The following ISM1 variants were observed in gnomAD, a reference collection of about 807,000 sequenced individuals.
ISM1 encodes the protein isthmin-1.
A neutral mutation model predicts 46.3 loss-of-function variants in ISM1; 25 were observed. That is an observed-to-expected ratio of 0.54 (90% CI 0.39 to 0.75). The LOEUF (loss-of-function observed/expected upper bound fraction) is 0.75. Among genes scored for constraint, ISM1 ranks in the 30% least tolerant of loss-of-function variants. The pLI is 0.00. For missense variants in ISM1, 536 were observed against 625.4 expected (o/e 0.86, Z 1.52); for synonymous variants, 255 against 256.7 (o/e 0.99, Z 0.06).
chr20:13,264,682 G>A (rs985161287), intron 1 of ISM1, among the ~76,000 whole-genome samples: 6 of 152,188 alleles, frequency 3.9e-5, no homozygotes, highest in South Asian at 4.1e-4. Context: ...GATGAGCAAC[G>A]CCAGCTATGC....
Position 13,279,753 on chromosome 20 carries a change from G to T in ISM1, c.498G>T (p.Leu166=), listed in dbSNP as rs1374957905. The T allele has an allele frequency of 6.2e-7, 1 of 1,614,010 alleles. No homozygotes were observed. The highest frequency in any genetic ancestry group is 8.5e-7 in the Non-Finnish European group (1 of 1,179,896). The change falls in exon 3 of 6, where the codon CTG becomes CTT. Residue 166 remains leucine, a synonymous_variant. Coordinates refer to ENST00000262487, the MANE Select transcript of ISM1 (RefSeq NM_080826.2). ...GGCGGGCCTGGTGGCAGAGGTCCCT[G>T]TCCTTGGCCAGGGCAAACAGCGGGG... ...PDWRAWWQRS[L]SLARANSGDQ... is the part of the protein sequence containing the mutation.
Position 13,299,677 on chromosome 20 carries a change from C to G in ISM1, c.*218C>G, listed in dbSNP as rs976987401. On this transcript the variant is annotated 3_prime_UTR_variant, in exon 6 of 6. Coordinates refer to ENST00000262487, the MANE Select transcript of ISM1 (RefSeq NM_080826.2). The surrounding 1 kb of genome is among the most constrained non-coding windows in gnomAD (Gnocchi z 5.8). ...CCATCTGCAGAGCTCCTTGAAAGTG[C>G]CCCTGGGGAGCGATGTGGGCAGAAG... is the stretch of plus-strand genomic sequence containing the variant. The G allele has an allele frequency of 9.8e-5, 48 of 487,844 alleles. No individual in the cohort carries two copies. The highest frequency in any genetic ancestry group is 8.4e-4 in the African/African-American group (44 of 52,690). The allele number at this position is 487,844 out of a possible 1,614,324, so 30.2% of individuals were successfully genotyped here. A position where few individuals can be genotyped will look rare whatever the true frequency, so the allele number is the denominator to read the frequency against.
the ISM1 span, among the ~76,000 whole-genome samples, chr20:13,309,938 A>G: frequency 6.6e-6 from 1 of 152,210 alleles, no homozygotes; most frequent in Non-Finnish European, 1.5e-5. Flanking sequence ...AAGAAACTGA[A>G]TAAAAAATAA....
the ISM1 span, among the ~76,000 whole-genome samples, chr20:13,325,483 G>A: frequency 6.6e-6 from 1 of 151,892 alleles, no homozygotes; most frequent in African/African-American, 2.4e-5. Flanking sequence ...AGGGTCCACA[G>A]TTTCTGCTAC....
chr20:13,264,198 G>A (rs974463244), intron 1 of ISM1, among the ~76,000 whole-genome samples: 2 of 152,176 alleles, frequency 1.3e-5, no homozygotes, highest in Non-Finnish European at 2.9e-5. Context: ...TCAGAAATTT[G>A]CCAGCCAGTC....
chr20:13,325,558 T>C, the ISM1 span, among the ~76,000 whole-genome samples: 1 of 152,192 alleles, frequency 6.6e-6, no homozygotes, highest in Non-Finnish European at 1.5e-5. Context: ...AACAGTTACC[T>C]AGTTGTCCCC....
downstream of ISM1, among the ~76,000 whole-genome samples, chr20:13,303,024 C>A (rs1383574131): frequency 6.6e-6 from 1 of 152,334 alleles, no homozygotes; most frequent in South Asian, 2.1e-4. Flanking sequence ...CTTCTGAGCC[C>A]ACACTTTGTG....
chr20:13,294,545 A>C (rs899735248), intron 5 of ISM1, among the ~76,000 whole-genome samples: 3 of 152,206 alleles, frequency 2.0e-5, no homozygotes, highest in Non-Finnish European at 4.4e-5. Flanking sequence ...CCACATTGGC[A>C]TGTGGCTAAG....
chr20:13,297,658 C>T (rs1373112937), intron 5 of ISM1, among the ~76,000 whole-genome samples: 1 of 152,236 alleles, frequency 6.6e-6, no homozygotes, highest in Admixed American at 6.5e-5. Context: ...TCACCATTCA[C>T]CTGTTCACAG....
chr20:13,292,273 A>G, intron 4 of ISM1, 101 bp from the exon 5 acceptor site: 1 of 735,184 alleles, frequency 1.4e-6, no homozygotes, highest in Non-Finnish European at 2.3e-6. Flanking sequence ...AATGAATACA[A>G]AAAAGGCTTT....
At chr20:13,268,641 T>C (rs1346402693) in intron 1 of ISM1, among the ~76,000 whole-genome samples, 1 of 152,114 alleles carries the variant, frequency 6.6e-6, no homozygotes, top group African/African-American at 2.4e-5. Flanking sequence ...TTTAAAGAGG[T>C]GACAGACGAG....
chr20:13,226,257 C>T (rs575624578), intron 1 of ISM1, among the ~76,000 whole-genome samples: 3 of 152,336 alleles, frequency 2.0e-5, no homozygotes, highest in African/African-American at 7.2e-5. Flanking sequence ...CTTGTATTCA[C>T]TGCTTTGGAT....
downstream of ISM1, among the ~76,000 whole-genome samples, chr20:13,301,236 TGGA>T (rs1258206846): frequency 6.6e-6 from 1 of 152,166 alleles, no homozygotes; most frequent in Non-Finnish European, 1.5e-5. Context: ...TCCCCCAAGC[TGGA>T]GTGCAGTGAC....
Position 13,270,654 on chromosome 20 carries a change from A to C in ISM1, c.289A>C (p.Arg97=), listed in dbSNP as rs764851577. 21 of 1,613,864 alleles carry C rather than the reference A, an allele frequency of 1.3e-5. No individual in the cohort carries two copies. In the South Asian group the frequency reaches 2.1e-4, roughly 16 times the overall value. Residue 97 remains arginine (R), a synonymous_variant, in exon 2 of 6, where the codon AGA becomes CGA. Coordinates refer to ENST00000262487, the MANE Select transcript of ISM1 (RefSeq NM_080826.2). ...AGAGACGGGGCACCCTTCATTGCAA[A>C]GAGATTTCCCCAGATCCTTTCTCCT... is the stretch of plus-strand genomic sequence containing the variant. ...RQETGHPSLQ[R]DFPRSFLLDL... is the part of the protein sequence containing the mutation.
At position 13,267,319 on chromosome 20, in the gene ISM1, G is replaced by A. The variant is rs918970016; in HGVS notation, c.139-3185G>A. ...CAAGCCTGTGTCTGGGGGGCAGGGC[G>A]GTTCGGAGAGATGGAGAAATGCCAC... On this transcript the variant is annotated intron_variant, in intron 1 of 5. Coordinates refer to ENST00000262487, the MANE Select transcript of ISM1 (RefSeq NM_080826.2). 3.9e-5 allele frequency among the ~76,000 whole-genome samples: 6 copies of A among 152,164 alleles called. No homozygotes were observed. The East Asian group carries it at 7.7e-4, about 20-fold the overall frequency.
the ISM1 span, among the ~76,000 whole-genome samples, chr20:13,310,091 T>C: frequency 0.15 from 23,156 of 152,026 alleles, 1,810 homozygotes; most frequent in East Asian, 0.19. Flanking sequence ...AAAAAACAAT[T>C]CCAAAATTCA....
At chr20:13,313,386 C>T in the ISM1 span, among the ~76,000 whole-genome samples, 1 of 152,308 alleles carries the variant, frequency 6.6e-6, no homozygotes, top group Non-Finnish European at 1.5e-5. Flanking sequence ...GTGTCAATCA[C>T]AGAATTTTGG....
the ISM1 span, among the ~76,000 whole-genome samples, chr20:13,318,672 T>C: frequency 6.6e-6 from 1 of 152,194 alleles, no homozygotes; most frequent in Non-Finnish European, 1.5e-5. Flanking sequence ...TGCTAATAAG[T>C]GCTGGCTATC....
At chr20:13,227,590 ACT>A (rs1483249472) in intron 1 of ISM1, among the ~76,000 whole-genome samples, 2 of 122,526 alleles carry the variant, frequency 1.6e-5, no homozygotes, top group African/African-American at 6.3e-5. Context: ...CTCACTTCAA[ACT>A]CTGCCTCCTG....
Sources: allele counts gnomAD v4.1 joint callset (sites outside exome capture counted in the v4.1 genomes callset), GRCh38; gene constraint gnomAD v4.1.1; non-coding constraint Gnocchi (gnomAD v3.1); transcripts MANE v1.5; gene names NCBI Gene and HGNC (gene_info 2026-07-23, HGNC 2026-07-21).